The following GPC6 variants were observed in gnomAD, a reference collection of about 807,000 sequenced individuals.
GPC6 encodes glypican 6.
In GPC6, 14 loss-of-function variants were observed where a neutral mutation model predicts 55.2. The observed-to-expected ratio is 0.25, with a 90% confidence interval of 0.17 to 0.40. The LOEUF (loss-of-function observed/expected upper bound fraction) is 0.40, where lower values mean the gene tolerates loss of function less well. GPC6 is among the 10% of genes least tolerant of loss of function. The pLI, the probability that GPC6 is intolerant of heterozygous loss-of-function variation, is 1.00. For missense variants in GPC6, 641 were observed against 708.5 expected (o/e 0.90, Z 1.08); for synonymous variants, 278 against 259.6 (o/e 1.07, Z -0.68).
intron 1 of GPC6, among the ~76,000 whole-genome samples, chr13:93,312,948 G>A (rs1363165996): frequency 6.6e-6 from 1 of 152,078 alleles, no homozygotes; most frequent in African/African-American, 2.4e-5. Context: ...ATTCTATAAT[G>A]GCATTAGGTG....
intron 4 of GPC6, among the ~76,000 whole-genome samples, chr13:94,207,954 C>T (rs916184533): frequency 2.0e-5 from 3 of 152,122 alleles, no homozygotes; most frequent in Admixed American, 2.0e-4. Context: ...TTTGAACGAT[C>T]CCATTTGAGA....
intron 1 of GPC6, among the ~76,000 whole-genome samples, chr13:93,255,502 A>C (rs1876921864): frequency 6.6e-6 from 1 of 152,222 alleles, no homozygotes; most frequent in Non-Finnish European, 1.5e-5. Context: ...TCTAAAAACA[A>C]GGTGAAAAGT....
At chr13:94,116,556 T>TCC (rs1886436264) in intron 4 of GPC6, among the ~76,000 whole-genome samples, 1 of 152,120 alleles carries the variant, frequency 6.6e-6, no homozygotes, top group African/African-American at 2.4e-5. Context: ...AAGCCCTTGG[T>TCC]TTCTTTCCTG....
At chr13:94,245,812 T>C (rs991955349) in intron 4 of GPC6, among the ~76,000 whole-genome samples, 4 of 152,090 alleles carry the variant, frequency 2.6e-5, no homozygotes, top group Admixed American at 1.3e-4. Context: ...TCTTGGCTAT[T>C]CTAAATAATG....
At chr13:93,322,374 G>A (rs1204250040) in intron 1 of GPC6, among the ~76,000 whole-genome samples, 1 of 150,276 alleles carries the variant, frequency 6.7e-6, no homozygotes, top group Admixed American at 6.6e-5. Context: ...TTATAAGTGA[G>A]AACGTGTGGT....
At chr13:93,661,468 T>C (rs1436864523) in intron 2 of GPC6, among the ~76,000 whole-genome samples, 1 of 151,986 alleles carries the variant, frequency 6.6e-6, no homozygotes, top group South Asian at 2.1e-4. Flanking sequence ...CCTCCCAAAG[T>C]GCTGGGATTG....
intron 3 of GPC6, among the ~76,000 whole-genome samples, chr13:93,915,679 A>C (rs1487220834): frequency 6.6e-6 from 1 of 152,126 alleles, no homozygotes; most frequent in Non-Finnish European, 1.5e-5. Flanking sequence ...ATTGCTCATA[A>C]TGTTTCTTCC....
intron 1 of GPC6, among the ~76,000 whole-genome samples, chr13:93,410,191 T>C (rs1876442903): frequency 1.3e-5 from 2 of 152,214 alleles, no homozygotes; most frequent in South Asian, 4.1e-4. Flanking sequence ...TTCTCTCAGA[T>C]AGGAATCTTT....
At chr13:93,635,218 C>T (rs750976252) in intron 2 of GPC6, among the ~76,000 whole-genome samples, 1 of 151,574 alleles carries the variant, frequency 6.6e-6, no homozygotes, top group Non-Finnish European at 1.5e-5. Context: ...CCATTTAAAA[C>T]TACCAATTTG....
intron 2 of GPC6, among the ~76,000 whole-genome samples, chr13:93,704,032 A>G (rs900412214): frequency 6.6e-6 from 1 of 151,896 alleles, no homozygotes; most frequent in Non-Finnish European, 1.5e-5. Flanking sequence ...AATTTAGGGA[A>G]TTTTTGTTTT....
intron 6 of GPC6, among the ~76,000 whole-genome samples, chr13:94,366,426 T>G (rs1383641403): frequency 1.3e-5 from 2 of 152,186 alleles, no homozygotes; most frequent in African/African-American, 4.8e-5. Context: ...AATTTGCCTT[T>G]CAAACCACAA....
chr13:93,804,897 C>T (rs1886495714), intron 2 of GPC6, among the ~76,000 whole-genome samples: 1 of 152,194 alleles, frequency 6.6e-6, no homozygotes, highest in African/African-American at 2.4e-5. Flanking sequence ...AGGGTCATTT[C>T]TTCTCTCCAT....
intron 1 of GPC6, among the ~76,000 whole-genome samples, chr13:93,441,543 T>C (rs2139289123): frequency 6.6e-6 from 1 of 152,300 alleles, no homozygotes; most frequent in East Asian, 1.9e-4. Context: ...TGGGGTTGTT[T>C]GATTTTTTCT....
intron 4 of GPC6, among the ~76,000 whole-genome samples, chr13:94,028,440 A>C (rs377028464): frequency 1.5e-4 from 23 of 152,168 alleles, no homozygotes; most frequent in African/African-American, 5.3e-4. Context: ...CTCTCTGATG[A>C]AAACAAAAGT....
chr13:93,636,353 C>A (rs1290240752), intron 2 of GPC6, among the ~76,000 whole-genome samples: 1 of 152,108 alleles, frequency 6.6e-6, no homozygotes, highest in Non-Finnish European at 1.5e-5. Flanking sequence ...GATTGAAATT[C>A]TGTTGTTGGA....
intron 6 of GPC6, among the ~76,000 whole-genome samples, chr13:94,322,729 T>C (rs1163806276): frequency 1.3e-5 from 2 of 152,152 alleles, no homozygotes; most frequent in African/African-American, 4.8e-5. Context: ...AGATACAAAA[T>C]TGGCCATATT....
At chr13:93,644,870 G>T (rs1880108630) in intron 2 of GPC6, among the ~76,000 whole-genome samples, 1 of 152,098 alleles carries the variant, frequency 6.6e-6, no homozygotes, top group East Asian at 1.9e-4. Context: ...AAGGAGTCTG[G>T]TGCAAAACTT....
At position 93,396,435 on chromosome 13, in the gene GPC6, C is replaced by T. The variant is rs543229579; in HGVS notation, c.161-148828C>T. 5.3e-5 allele frequency among the ~76,000 whole-genome samples: 8 copies of T among 152,030 alleles called. No individual in the cohort carries two copies. The East Asian group carries it at 5.8e-4, about 11-fold the overall frequency. On this transcript the variant is annotated intron_variant, in intron 1 of 8. Coordinates refer to ENST00000377047, the MANE Select transcript of GPC6 (RefSeq NM_005708.5). ...AAAATTAACCAGGCGTGGTGGCGGG[C>T]GCCAGTAATCCCAGCTACTCGGGAG... is the stretch of plus-strand genomic sequence containing the variant.
At chr13:93,895,196 A>C (rs1425922508) in intron 3 of GPC6, among the ~76,000 whole-genome samples, 1 of 136,904 alleles carries the variant, frequency 7.3e-6, no homozygotes, top group African/African-American at 2.9e-5. Flanking sequence ...CTCTAAGTCC[A>C]TATATATGTG....
Sources: gnomAD v4.1 joint callset for allele counts (sites outside exome capture counted in the v4.1 genomes callset) on GRCh38, gnomAD v4.1.1 for gene constraint, MANE v1.5 for transcripts, NCBI Gene and HGNC (gene_info 2026-07-23, HGNC 2026-07-21) for gene names.